NTM: variants seen among roughly 807,000 people sequenced by gnomAD.
The protein encoded by NTM is IgLON family member 2.
NTM carries 13 observed loss-of-function variants against 42.1 expected under a neutral mutation model. That is an observed-to-expected ratio of 0.31 (90% confidence interval 0.20 to 0.49). NTM has a LOEUF of 0.49. NTM is among the 20% of genes least tolerant of loss of function. NTM has a pLI of 0.99. For synonymous variants in NTM, 187 were observed against 179.2 expected (o/e 1.04, Z -0.35); for missense variants, 373 against 452.8 (o/e 0.82, Z 1.60).
chr11:131,551,036 A>G (rs2054596631), intron 1 of NTM, among the ~76,000 whole-genome samples: 3 of 151,952 alleles, frequency 2.0e-5, no homozygotes, highest in Admixed American at 2.0e-4. Flanking sequence ...ATTTTATGTT[A>G]TTTTATTTGT....
At chr11:131,458,684 G>A (rs1951115754) in intron 1 of NTM, among the ~76,000 whole-genome samples, 1 of 152,222 alleles carries the variant, frequency 6.6e-6, no homozygotes, top group Admixed American at 6.5e-5. Flanking sequence ...AAACACTACA[G>A]AAAACATTTG....
chr11:132,047,470 G>A (rs1832415584), intron 2 of NTM, among the ~76,000 whole-genome samples: 1 of 152,242 alleles, frequency 6.6e-6, no homozygotes, highest in Non-Finnish European at 1.5e-5. Context: ...GGTCAGCTGT[G>A]CTTCCAATTC....
At chr11:131,444,006 G>A (rs947683246) in intron 1 of NTM, among the ~76,000 whole-genome samples, 2 of 152,036 alleles carry the variant, frequency 1.3e-5, no homozygotes, top group Non-Finnish European at 2.9e-5. Flanking sequence ...TCTGCTTCCC[G>A]ACCTACAGAA....
chr11:132,239,910 T>C (rs900108384), intron 4 of NTM, among the ~76,000 whole-genome samples: 1 of 152,204 alleles, frequency 6.6e-6, no homozygotes, highest in Non-Finnish European at 1.5e-5. Flanking sequence ...TTTATCTGGT[T>C]TGGGAGCATT....
intron 1 of NTM, among the ~76,000 whole-genome samples, chr11:131,456,468 C>G (rs985226810): frequency 6.6e-6 from 1 of 152,166 alleles, no homozygotes; most frequent in African/African-American, 2.4e-5. Flanking sequence ...TCGTTCTCAT[C>G]AAGCCAGCTA....
At chr11:131,939,817 T>C (rs139813154) in intron 2 of NTM, among the ~76,000 whole-genome samples, 1 of 152,274 alleles carries the variant, frequency 6.6e-6, no homozygotes, top group Non-Finnish European at 1.5e-5. Context: ...CCTTGAATGA[T>C]GTTATGCTCT....
At chr11:131,884,586 C>T (rs181287981) in intron 1 of NTM, among the ~76,000 whole-genome samples, 11 of 152,192 alleles carry the variant, frequency 7.2e-5, no homozygotes, top group Admixed American at 5.9e-4. Flanking sequence ...GAGGAAGTAC[C>T]GCCTGTAACC....
chr11:131,811,505 A>C (rs1363897083), intron 1 of NTM, among the ~76,000 whole-genome samples: 1 of 152,120 alleles, frequency 6.6e-6, no homozygotes, highest in African/African-American at 2.4e-5. Context: ...AATCATCATT[A>C]ATCACTGTAA....
intron 1 of NTM, among the ~76,000 whole-genome samples, chr11:131,851,954 A>G (rs2045600637): frequency 6.6e-6 from 1 of 152,152 alleles, no homozygotes; most frequent in Non-Finnish European, 1.5e-5. Context: ...AATCCCCTAA[A>G]TCAATTTGCC....
At chr11:131,401,212 C>T (rs1945098576) in intron 1 of NTM, among the ~76,000 whole-genome samples, 1 of 152,230 alleles carries the variant, frequency 6.6e-6, no homozygotes, top group Non-Finnish European at 1.5e-5. Context: ...ACCCACACCA[C>T]ACAAAGAATA....
At chr11:131,688,589 G>T (rs914902249) in intron 1 of NTM, among the ~76,000 whole-genome samples, 19 of 152,236 alleles carry the variant, frequency 1.2e-4, no homozygotes, top group African/African-American at 3.9e-4. Flanking sequence ...TGTGCCCCGG[G>T]TTGCTCTTGC....
intron 1 of NTM, among the ~76,000 whole-genome samples, chr11:131,821,185 C>T (rs374060647): frequency 2.0e-5 from 3 of 152,246 alleles, no homozygotes; most frequent in African/African-American, 7.2e-5. Context: ...TCTTGGTCTC[C>T]CACTATCCCA....
chr11:132,014,319 A>C (rs2072909654), intron 2 of NTM, among the ~76,000 whole-genome samples: 1 of 152,180 alleles, frequency 6.6e-6, no homozygotes, highest in East Asian at 1.9e-4. Context: ...TTGGTTCCAC[A>C]TCTTTGCTAT....
At chr11:131,936,709 G>C (rs1203314719) in intron 2 of NTM, among the ~76,000 whole-genome samples, 1 of 152,074 alleles carries the variant, frequency 6.6e-6, no homozygotes, top group Non-Finnish European at 1.5e-5. Context: ...AAAGGGAACT[G>C]GTTTCCAAGA....
At chr11:131,586,369 C>T (rs1431265363) in intron 1 of NTM, among the ~76,000 whole-genome samples, 1 of 152,156 alleles carries the variant, frequency 6.6e-6, no homozygotes, top group Non-Finnish European at 1.5e-5. Context: ...GATGCCACTT[C>T]CACAATTAAG....
At chr11:131,999,956 T>G (rs1326132371) in intron 2 of NTM, among the ~76,000 whole-genome samples, 1 of 152,214 alleles carries the variant, frequency 6.6e-6, no homozygotes, top group African/African-American at 2.4e-5. Flanking sequence ...TCCTGCGTAC[T>G]AGTGATTTCT....
At chr11:132,098,034 T>C (rs1356947453) in intron 2 of NTM, among the ~76,000 whole-genome samples, 1 of 152,252 alleles carries the variant, frequency 6.6e-6, no homozygotes, top group Non-Finnish European at 1.5e-5. Context: ...ACAGGTATTG[T>C]TATGAATATC....
At position 131,435,675 on chromosome 11, in the gene NTM, G is replaced by A. The variant is rs570928200; in HGVS notation, c.82+64787G>A. Among the ~76,000 whole-genome samples the A allele has an allele frequency of 6.6e-5, 10 of 152,334 alleles. No individual in the cohort carries two copies. In the East Asian group the frequency reaches 1.9e-3, roughly 29 times the overall value. ...TTGCTGAAGTTGCTTATCAGCTTAA[G>A]GATATTTTGGGCTGAGATGATGGGG... On this transcript the variant is annotated intron_variant, in intron 1 of 8. Transcript: ENST00000683400.
intron 3 of NTM, among the ~76,000 whole-genome samples, chr11:132,170,695 GA>G (rs1374110684): frequency 2.0e-5 from 3 of 152,090 alleles, no homozygotes; most frequent in East Asian, 3.9e-4. Context: ...TAAAGAACTT[GA>G]ATATAACCAC....
Sources: allele counts gnomAD v4.1 joint callset (sites outside exome capture counted in the v4.1 genomes callset), GRCh38; gene constraint gnomAD v4.1.1; transcripts MANE v1.5; gene names NCBI Gene and HGNC (gene_info 2026-07-23, HGNC 2026-07-21).